The following CDK3 variants were observed in gnomAD, a reference collection of about 807,000 sequenced individuals.
CDK3 encodes the protein cyclin-dependent kinase 3.
A neutral mutation model predicts 30.2 loss-of-function variants in CDK3; 24 were observed. The observed-to-expected ratio is 0.79, with a 90% CI of 0.57 to 1.12. The LOEUF (loss-of-function observed/expected upper bound fraction) is 1.12. CDK3 is among the 50% of genes most tolerant of loss of function. The pLI, the probability that CDK3 is intolerant of heterozygous loss-of-function variation, is 0.00. For synonymous variants in CDK3, 158 were observed against 154.2 expected, an observed-to-expected ratio of 1.02 and a Z score of -0.18; for missense variants, 345 against 376.0, an observed-to-expected ratio of 0.92 and a Z score of 0.68.
Position 76,005,298 on chromosome 17 carries a change from C to T in CDK3, c.793C>T (p.Gln265Ter). The T allele has an allele frequency of 6.2e-7, 1 of 1,613,538 alleles. No individual in the cohort carries two copies. Among genetic ancestry groups the T allele is most frequent in the Non-Finnish European group, 8.5e-7 (1 of 1,179,624 alleles). ...LEPEGRDLLM[Q>*]LLQYDPSQRI... ...CATCTTCTTCCTTCTTTCTTCCTAG[C>T]AACTCCTGCAGTATGACCCCAGCCA... Residue 265 changes from glutamine to a stop codon, truncating the protein, a stop_gained and splice_region_variant, in exon 8 of 8, where the codon CAA becomes TAA. Transcript: ENST00000448471. LOFTEE classifies it low-confidence loss of function (END_TRUNC). The surrounding 1 kb of genome is among the most constrained non-coding windows in gnomAD (Gnocchi z 4.7).
In CDK3 at chr17:76,001,358, C is replaced by G; in HGVS notation, c.-14-54C>G. 3.7e-6 allele frequency: 6 copies of G among 1,607,388 alleles called. No individual in the cohort carries two copies. The highest frequency in any genetic ancestry group is 5.1e-6 in the Non-Finnish European group (6 of 1,177,316). On this transcript the variant is annotated intron_variant, in intron 1 of 7. Coordinates refer to ENST00000448471, the MANE Select transcript of CDK3 (RefSeq NM_001258.4). The surrounding 1 kb of genome is among the most constrained non-coding windows in gnomAD (Gnocchi z 6.2). ...GGGCGCCACATGGAAGCTGGAGGAGCAACGGGAGCGCTGGGCGTGGGGTGC... is the reference window on the plus strand; with the variant it reads ...GGGCGCCACATGGAAGCTGGAGGAGGAACGGGAGCGCTGGGCGTGGGGTGC...
At position 76,002,209 on chromosome 17, in the gene CDK3, C is replaced by T. The variant is rs1391095631; in HGVS notation, c.316-39C>T. The T allele has an allele frequency of 2.2e-5, 36 of 1,612,554 alleles. No individual in the cohort carries two copies. Among genetic ancestry groups the T allele is most frequent in the Non-Finnish European group, 2.9e-5 (34 of 1,179,386 alleles). ...CCTGCCATCCCTGTCCACGCAGCAC[C>T]TCCGCTCAGCTGGCTGCACCTCGCG... is the stretch of plus-strand genomic sequence containing the variant. On this transcript the variant is annotated intron_variant, in intron 4 of 7. Transcript: ENST00000448471. This position sits in a 1 kb window ranked among gnomAD's most constrained non-coding sequence, Gnocchi z 4.3.
rs1307854508 is a variant in CDK3, at chr17:76,001,593, G to A, written c.116+52G>A. On this transcript the variant is annotated intron_variant, in intron 2 of 7. Transcript: ENST00000448471. The surrounding 1 kb of genome is among the most constrained non-coding windows in gnomAD (Gnocchi z 6.2). ...ACCCACCCTGGGCCATCACAACCTG[G>A]GCGCTCCCTGATCCGTTCCCTCTTT... 1.4e-6 allele frequency: 2 copies of A among 1,468,992 alleles called. No homozygotes were observed. Among genetic ancestry groups the A allele is most frequent in the Admixed American group, 3.4e-5 (2 of 58,116 alleles). 91.0% of individuals were successfully genotyped at this position (1,468,992 alleles called of 1,614,324 possible).
rs1046145283 is a variant in CDK3 at position 76,005,494 on chromosome 17, G to A, written c.*71G>A. ...CCAGCTGCCTCCTACCCATTGCCAA[G>A]AGAGGATGCATCTGGGGAGAGCAAA... On this transcript the variant is annotated 3_prime_UTR_variant, in exon 8 of 8. Transcript: ENST00000448471. This position sits in a 1 kb window ranked among gnomAD's most constrained non-coding sequence, Gnocchi z 4.7. The A allele has an allele frequency of 4.2e-5, 65 of 1,548,082 alleles. No individual in the cohort carries two copies. The highest frequency in any genetic ancestry group is 1.8e-5 in the Admixed American group (1 of 56,478).
At position 76,002,444 on chromosome 17, in the gene CDK3, G is replaced by A; in HGVS notation, c.486+26G>A. 2 of 1,611,940 alleles carry A rather than the reference G, an allele frequency of 1.2e-6. No individual in the cohort carries two copies. Among genetic ancestry groups the A allele is most frequent in the Non-Finnish European group, 1.7e-6 (2 of 1,179,354 alleles). On this transcript the variant is annotated intron_variant, in intron 5 of 7. Coordinates refer to ENST00000448471, the MANE Select transcript of CDK3 (RefSeq NM_001258.4). This position sits in a 1 kb window ranked among gnomAD's most constrained non-coding sequence, Gnocchi z 4.3. Reference sequence around the variant, plus strand: ...GTATTGTGAGACAAAGAGGAGAGAGGGGCAGCAGGAGGAGTGTCACCCATG... The same window carrying A: ...GTATTGTGAGACAAAGAGGAGAGAGAGGCAGCAGGAGGAGTGTCACCCATG...
chr17:76,001,846 C>T lies in CDK3; in HGVS notation c.117-28C>T, dbSNP rs376268816. The T allele has an allele frequency of 1.9e-6, 3 of 1,605,656 alleles. No individual in the cohort carries two copies. The highest frequency in any genetic ancestry group is 2.6e-6 in the Non-Finnish European group (3 of 1,173,862). On this transcript the variant is annotated intron_variant, in intron 2 of 7. Transcript: ENST00000448471. This position sits in a 1 kb window ranked among gnomAD's most constrained non-coding sequence, Gnocchi z 6.2. ...GTGCCCTTCTTGGCCCAAGTCTCTG[C>T]CCACGGCTGTGCCCTTGTTTCTTGC... is the stretch of plus-strand genomic sequence containing the variant.
At position 76,002,488 on chromosome 17, in the gene CDK3, G is replaced by GC; in HGVS notation, c.487-23_487-22insC. ...ACCCATGCACTCAGCCACCCTGAGT[G>GC]ATACTGTTTCTTTGCCCTGCAGGTG... On this transcript the variant is annotated intron_variant, in intron 5 of 7. Transcript: ENST00000448471. The surrounding 1 kb of genome is among the most constrained non-coding windows in gnomAD (Gnocchi z 4.3). 1.9e-6 allele frequency: 3 copies of GC among 1,560,280 alleles called. No individual in the cohort carries two copies. The highest frequency in any genetic ancestry group is 1.1e-5 in the South Asian group (1 of 90,068).
rs2066278948 is a variant in CDK3, at chr17:76,003,337, C to G, written c.731C>G (p.Thr244Ser). The stretch of plus-strand genomic sequence containing the variant: ...TATAAGGGCAGCTTCCCTAAGTGGA[C>G]CAGGAAGGGACTGGAAGAGATTGTG... ...PDYKGSFPKW[T>S]RKGLEEIVPN... The change falls in exon 7 of 8, where the codon ACC becomes AGC. Residue 244 changes from threonine (T) to serine (S), a missense_variant. Physicochemically the swap from Thr to Ser is moderately conservative, Grantham distance 58. Transcript: ENST00000448471. The G allele has an allele frequency of 3.1e-6, 5 of 1,614,148 alleles. No homozygotes were observed. The East Asian group carries it at 1.1e-4, about 36-fold the overall frequency.
chr17:76,003,319 G>T lies in CDK3; in HGVS notation c.713G>T (p.Gly238Val), dbSNP rs780883345. ...PGVTQLPDYK[G>V]SFPKWTRKGL... ...GTCACCCAGCTGCCTGACTATAAGG[G>T]CAGCTTCCCTAAGTGGACCAGGAAG... is the stretch of plus-strand genomic sequence containing the variant. Residue 238 changes from glycine (G) to valine (V), a missense_variant, in exon 7 of 8, where the codon GGC becomes GTC. Coordinates refer to ENST00000448471, the MANE Select transcript of CDK3 (RefSeq NM_001258.4). The T allele has an allele frequency of 5.0e-6, 8 of 1,614,104 alleles. No individual in the cohort carries two copies. Among genetic ancestry groups the T allele is most frequent in the African/African-American group, 1.3e-5 (1 of 74,950 alleles).
chr17:76,003,536 A>G (rs1270787985), intron 7 of CDK3, 138 bp downstream of exon 7: 2 of 656,706 alleles, frequency 3.0e-6, no homozygotes, highest in African/African-American at 3.6e-5. Context: ...GCTTGGGTAT[A>G]CTGATTGTTC....
rs113168449 is a variant in CDK3 at position 76,001,310 on chromosome 17, T to TCTGGG, written c.-14-85_-14-81dup. The TCTGGG allele has an allele frequency of 7.8e-5, 120 of 1,543,262 alleles. No homozygotes were observed. The African/African-American group carries it at 1.1e-3, about 15-fold the overall frequency. ...GCCGTGGGCCTTGGGAGCTGGGCAG[T>TCTGGG]CTGGGCTGGGCTGGGCTGGGCAGGG... is the stretch of plus-strand genomic sequence containing the variant. On this transcript the variant is annotated intron_variant, in intron 1 of 7. Transcript: ENST00000448471. The surrounding 1 kb of genome is among the most constrained non-coding windows in gnomAD (Gnocchi z 6.2).
Position 76,001,981 on chromosome 17 carries a change from G to A in CDK3, c.194+30G>A. On this transcript the variant is annotated intron_variant, in intron 3 of 7. Coordinates refer to ENST00000448471, the MANE Select transcript of CDK3 (RefSeq NM_001258.4). This position sits in a 1 kb window ranked among gnomAD's most constrained non-coding sequence, Gnocchi z 6.2. ...GTTGGGGATTGAGGTGGGGAAGCTG[G>A]GATGGCGAAGGTAGCATCCTGACTG... 2 of 1,613,832 alleles carry A rather than the reference G, an allele frequency of 1.2e-6. No individual in the cohort carries two copies. Among genetic ancestry groups the A allele is most frequent in the African/African-American group, 1.3e-5 (1 of 74,988 alleles).
At position 76,001,278 on chromosome 17, in the gene CDK3, T is replaced by G; in HGVS notation, c.-14-134T>G. ...CAGGCAGGATGAGCTGGGGTTGGGG[T>G]GGCTAGGCCGTGGGCCTTGGGAGCT... On this transcript the variant is annotated intron_variant, in intron 1 of 7. Transcript: ENST00000448471. This position sits in a 1 kb window ranked among gnomAD's most constrained non-coding sequence, Gnocchi z 6.2. 4.7e-6 allele frequency: 7 copies of G among 1,494,272 alleles called. No homozygotes were observed. The South Asian group carries it at 8.8e-5, about 19-fold the overall frequency. The allele number at this position is 1,494,272 out of a possible 1,614,324, so 92.6% of individuals were successfully genotyped here. A position where few individuals can be genotyped will look rare whatever the true frequency, so the allele number is the denominator to read the frequency against.
At position 76,002,555 on chromosome 17, in the gene CDK3, C is replaced by T. The variant is rs1322856883; in HGVS notation, c.531C>T (p.Ser177=). The change falls in exon 6 of 8, where the codon AGC becomes AGT. Residue 177 remains serine, a synonymous_variant. Transcript: ENST00000448471. The surrounding 1 kb of genome is among the most constrained non-coding windows in gnomAD (Gnocchi z 4.3). ...WYRAPEILLG[S]KFYTTAVDIW... Reference sequence around the variant, plus strand: ...GCGCCCCCGAGATTCTCTTGGGCAGCAAGTTCTATACCACAGCTGTGGATA... The same window carrying T: ...GCGCCCCCGAGATTCTCTTGGGCAGTAAGTTCTATACCACAGCTGTGGATA... 2.1e-6 allele frequency: 2 copies of T among 966,852 alleles called. No individual in the cohort carries two copies. Among genetic ancestry groups the T allele is most frequent in the South Asian group, 1.3e-5 (1 of 78,202 alleles). 59.9% of individuals were successfully genotyped at this position (966,852 alleles called of 1,614,324 possible).
chr17:76,005,278 TCTTC>T lies in CDK3; in HGVS notation c.793-15_793-12del. 2 of 1,612,454 alleles carry T rather than the reference TCTTC, an allele frequency of 1.2e-6. No individual in the cohort carries two copies. The highest frequency in any genetic ancestry group is 1.7e-6 in the Non-Finnish European group (2 of 1,179,040). ...CCCTGGCTGCACCCAGACCACATCTTCTTCCTTCTTTCTTCCTAGCAACTCCTGC... is the reference window on the plus strand; with the variant it reads ...CCCTGGCTGCACCCAGACCACATCTTCTTCTTTCTTCCTAGCAACTCCTGC... On this transcript the variant is annotated splice_polypyrimidine_tract_variant and intron_variant, in intron 7 of 7. Coordinates refer to ENST00000448471, the MANE Select transcript of CDK3 (RefSeq NM_001258.4). This position sits in a 1 kb window ranked among gnomAD's most constrained non-coding sequence, Gnocchi z 4.7.
chr17:76,001,136 T>G lies in CDK3; in HGVS notation c.-15+169T>G. 1.6e-6 allele frequency: 2 copies of G among 1,253,752 alleles called. No individual in the cohort carries two copies. 77.7% of individuals were successfully genotyped at this position (1,253,752 alleles called of 1,614,324 possible). On this transcript the variant is annotated intron_variant, in intron 1 of 7. Coordinates refer to ENST00000448471, the MANE Select transcript of CDK3 (RefSeq NM_001258.4). The surrounding 1 kb of genome is among the most constrained non-coding windows in gnomAD (Gnocchi z 6.2). ...GGGCCCTGCCCTCCGAGGCCGGGCA[T>G]GGGCGAGAAGCCTGGGGGTCCTGGC...
chr17:76,004,219 G>GTTTTTTTTTTT (rs59029490), intron 7 of CDK3, among the ~76,000 whole-genome samples: 4,104 of 91,992 alleles, frequency 0.045, 628 homozygotes, highest in East Asian at 0.095. Context: ...AGAACCGTCT[G>GTTTTTTTTTTT]TTTTTTTTTT....
Position 76,002,146 on chromosome 17 carries a change from GGGAA to G in CDK3, c.315+11_315+14del, listed in dbSNP as rs745652971. The G allele has an allele frequency of 6.2e-7, 1 of 1,613,942 alleles. No homozygotes were observed. Among genetic ancestry groups the G allele is most frequent in the Non-Finnish European group, 8.5e-7 (1 of 1,179,950 alleles). Reference sequence around the variant, plus strand: ...GCTCCCCCTGCACCTCATCAAGGTAGGGAAGGAAGGGCAGGGAAGGAGAGGTGAC... The same window carrying G: ...GCTCCCCCTGCACCTCATCAAGGTAGGGAAGGGCAGGGAAGGAGAGGTGAC... On this transcript the variant is annotated splice_donor_5th_base_variant and intron_variant, in intron 4 of 7. Coordinates refer to ENST00000448471, the MANE Select transcript of CDK3 (RefSeq NM_001258.4). The surrounding 1 kb of genome is among the most constrained non-coding windows in gnomAD (Gnocchi z 4.3).
chr17:76,005,545 G>A lies in CDK3; in HGVS notation c.*122G>A. ...GCACTAAGGAATTCAGCATCAGCCTGCAGAGGGCTGAGTCTGGGTTAGTCC... is the reference window on the plus strand; with the variant it reads ...GCACTAAGGAATTCAGCATCAGCCTACAGAGGGCTGAGTCTGGGTTAGTCC... On this transcript the variant is annotated 3_prime_UTR_variant, in exon 8 of 8. Coordinates refer to ENST00000448471, the MANE Select transcript of CDK3 (RefSeq NM_001258.4). The surrounding 1 kb of genome is among the most constrained non-coding windows in gnomAD (Gnocchi z 4.7). 1 of 1,226,760 alleles carries A rather than the reference G, an allele frequency of 8.2e-7. No individual in the cohort carries two copies. Among genetic ancestry groups the A allele is most frequent in the Non-Finnish European group, 1.1e-6 (1 of 880,982 alleles). The allele number at this position is 1,226,760 out of a possible 1,614,324, so 76.0% of individuals were successfully genotyped here. A position where few individuals can be genotyped will look rare whatever the true frequency, so the allele number is the denominator to read the frequency against.
Sources: allele counts gnomAD v4.1 joint callset (sites outside exome capture counted in the v4.1 genomes callset), GRCh38; gene constraint gnomAD v4.1.1; non-coding constraint Gnocchi (gnomAD v3.1); transcripts MANE v1.5; gene names NCBI Gene and HGNC (gene_info 2026-07-23, HGNC 2026-07-21).